The following SNX3 variants were observed in gnomAD, a reference collection of about 807,000 sequenced individuals.
The protein encoded by SNX3 is sorting nexin 3, also known as sorting nexin-3.
SNX3 carries 5 observed loss-of-function variants against 17.7 expected under a neutral mutation model. The ratio of observed to expected loss-of-function variants is 0.28; its 90% CI spans 0.15 to 0.59. The LOEUF (loss-of-function observed/expected upper bound fraction) is 0.59. Among genes scored for constraint, SNX3 ranks in the 20% least tolerant of loss-of-function variants. The pLI, the probability that SNX3 is intolerant of heterozygous loss-of-function variation, is 0.88. For synonymous variants in SNX3, 91 were observed against 76.5 expected (o/e 1.19, Z -0.99); for missense variants, 132 against 206.8 (o/e 0.64, Z 2.22).
rs763898445 is a variant in SNX3 at position 108,260,832 on chromosome 6, C to T, written c.90G>A (p.Glu30=). The T allele has an allele frequency of 1.2e-6, 2 of 1,613,718 alleles. No individual in the cohort carries two copies. The highest frequency in any genetic ancestry group is 1.1e-5 in the South Asian group (1 of 91,084). Residue 30 remains glutamate (E), a synonymous_variant, in exon 1 of 4, where the codon GAG becomes GAA. Coordinates refer to ENST00000230085, the MANE Select transcript of SNX3 (RefSeq NM_003795.6). ...CCGTTTGCGGGTTGCTCACATCGAT[C>T]TCGAGGAAGTTGCTGGGGGGTCCGT... ...DAYGPPSNFL[E]IDVSNPQTVG...
At chr6:108,226,437 A>G (rs1774976761) in intron 1 of SNX3, among the ~76,000 whole-genome samples, 1 of 152,222 alleles carries the variant, frequency 6.6e-6, no homozygotes, top group Admixed American at 6.5e-5. Context: ...ACTTAACATA[A>G]TAACTAATGC....
At chr6:108,216,770 C>T (rs868373383) in intron 2 of SNX3, among the ~76,000 whole-genome samples, 1 of 151,892 alleles carries the variant, frequency 6.6e-6, no homozygotes, top group Non-Finnish European at 1.5e-5. Context: ...AAGAGCAACT[C>T]GACTTCATAT....
intron 2 of SNX3, among the ~76,000 whole-genome samples, chr6:108,220,320 G>T (rs746389165): frequency 1.8e-4 from 28 of 151,984 alleles, no homozygotes; most frequent in Non-Finnish European, 3.4e-4. Context: ...TCCATTTATG[G>T]TAAGTGCCCT....
chr6:108,242,293 T>C (rs1415400707), intron 1 of SNX3, among the ~76,000 whole-genome samples: 12 of 152,246 alleles, frequency 7.9e-5, no homozygotes, highest in Non-Finnish European at 1.5e-4. Context: ...AAAATTTGAC[T>C]AAACCCTTAA....
chr6:108,256,688 G>A (rs1249090168), intron 1 of SNX3, among the ~76,000 whole-genome samples: 1 of 152,156 alleles, frequency 6.6e-6, no homozygotes, highest in Non-Finnish European at 1.5e-5. Flanking sequence ...GTGGTCTCCA[G>A]GTAAAATAGA....
At chr6:108,225,002 G>A (rs1774931280) in intron 1 of SNX3, among the ~76,000 whole-genome samples, 2 of 152,172 alleles carry the variant, frequency 1.3e-5, no homozygotes, top group Non-Finnish European at 2.9e-5. Context: ...AAAATATGCG[G>A]CAGGGCGCGG....
intron 1 of SNX3, among the ~76,000 whole-genome samples, chr6:108,236,321 T>G (rs896665340): frequency 6.7e-6 from 1 of 150,344 alleles, no homozygotes; most frequent in Admixed American, 6.6e-5. Flanking sequence ...TGTCTCTCTC[T>G]CTACCTCTCT....
intron 1 of SNX3, among the ~76,000 whole-genome samples, chr6:108,249,268 A>G (rs573297219): frequency 2.0e-5 from 3 of 152,258 alleles, no homozygotes; most frequent in African/African-American, 7.2e-5. Flanking sequence ...TTAATTATAC[A>G]AAAATTAGCT....
intron 1 of SNX3, among the ~76,000 whole-genome samples, chr6:108,226,343 G>A (rs527892352): frequency 6.6e-6 from 1 of 152,158 alleles, no homozygotes; most frequent in East Asian, 1.9e-4. Context: ...CAAAGTGCTG[G>A]GATTACAGGC....
chr6:108,257,040 T>TA (rs1324664361), intron 1 of SNX3, among the ~76,000 whole-genome samples: 4 of 152,158 alleles, frequency 2.6e-5, no homozygotes, highest in Non-Finnish European at 5.9e-5. Flanking sequence ...CCCTGTGAAT[T>TA]AGAGTAATTT....
At chr6:108,235,375 GATATCA>G (rs1775296082) in intron 1 of SNX3, among the ~76,000 whole-genome samples, 1 of 152,154 alleles carries the variant, frequency 6.6e-6, no homozygotes, top group African/African-American at 2.4e-5. Flanking sequence ...TGGCCCCACA[GATATCA>G]AGTGGAACAG....
chr6:108,233,392 T>G (rs1775228479), intron 1 of SNX3, among the ~76,000 whole-genome samples: 1 of 152,238 alleles, frequency 6.6e-6, no homozygotes, highest in South Asian at 2.1e-4. Flanking sequence ...AACTATTTTC[T>G]GGTGTCTTCC....
chr6:108,248,880 C>T (rs910639451), intron 1 of SNX3, among the ~76,000 whole-genome samples: 6 of 152,092 alleles, frequency 3.9e-5, no homozygotes, highest in African/African-American at 1.4e-4. Context: ...CCCACCTCAA[C>T]CTCCTGAGTA....
intron 1 of SNX3, among the ~76,000 whole-genome samples, chr6:108,257,664 T>C (rs1776070052): frequency 6.6e-6 from 1 of 152,164 alleles, no homozygotes; most frequent in African/African-American, 2.4e-5. Flanking sequence ...GTTAACACAT[T>C]ACATACTAAA....
At chr6:108,212,336 C>A in intron 3 of SNX3, 82 bp from the exon 4 acceptor site, 1 of 976,088 alleles carries the variant, frequency 1.0e-6, no homozygotes. Context: ...AGTTGAGAAG[C>A]ATGTATAATT....
In SNX3 at chr6:108,214,059, A is replaced by G. The variant is rs111978598; in HGVS notation, c.383+439T>C. Among the ~76,000 whole-genome samples the G allele has an allele frequency of 1.4e-3, 213 of 152,372 alleles. 2 individuals carry two copies. The highest frequency in any genetic ancestry group is 4.9e-3 in the African/African-American group (204 of 41,598). On this transcript the variant is annotated intron_variant, in intron 3 of 3. Transcript: ENST00000230085. ...TCCTAAGTCTTCTTACATTTTCAAA[A>G]GAATACATTTTACCATGAAAATTAA...
chr6:108,244,500 C>T (rs1775622398), intron 1 of SNX3, among the ~76,000 whole-genome samples: 1 of 152,024 alleles, frequency 6.6e-6, no homozygotes, highest in South Asian at 2.1e-4. Flanking sequence ...GTAAAATATA[C>T]ATAATATAAA....
chr6:108,249,084 A>G (rs1775773516), intron 1 of SNX3, among the ~76,000 whole-genome samples: 1 of 152,196 alleles, frequency 6.6e-6, no homozygotes, highest in African/African-American at 2.4e-5. Context: ...AGACAGGTGT[A>G]ATGGCTCACA....
chr6:108,216,780 T>C (rs999386344), intron 2 of SNX3, among the ~76,000 whole-genome samples: 7 of 151,974 alleles, frequency 4.6e-5, no homozygotes, highest in Non-Finnish European at 1.0e-4. Context: ...CGACTTCATA[T>C]AGATTAACAA....
Sources: allele counts gnomAD v4.1 joint callset (sites outside exome capture counted in the v4.1 genomes callset), GRCh38; gene constraint gnomAD v4.1.1; transcripts MANE v1.5; gene names NCBI Gene and HGNC (gene_info 2026-07-23, HGNC 2026-07-21).